Variants in BTC observed in about 807,000 individuals in gnomAD.
BTC encodes probetacellulin.
In BTC, 13 loss-of-function variants were observed where a neutral mutation model predicts 18.1. That is an observed-to-expected ratio of 0.72 (90% confidence interval 0.47 to 1.14). The LOEUF (loss-of-function observed/expected upper bound fraction) is 1.14. BTC is among the 50% of genes most tolerant of loss of function. BTC has a pLI of 0.00. For synonymous variants in BTC, 83 were observed against 79.4 expected, an observed-to-expected ratio of 1.05 and a Z score of -0.24; for missense variants, 247 against 224.2, an observed-to-expected ratio of 1.10 and a Z score of -0.65.
chr4:74,776,868 C>A (rs947072070), intron 1 of BTC, among the ~76,000 whole-genome samples: 12 of 152,124 alleles, frequency 7.9e-5, no homozygotes, highest in African/African-American at 2.7e-4. Flanking sequence ...TGATTTAGGA[C>A]ATCTTCCTAG....
chr4:74,758,343 TTAAAC>T (rs1553956977), intron 2 of BTC, among the ~76,000 whole-genome samples: 1 of 152,162 alleles, frequency 6.6e-6, no homozygotes, highest in African/African-American at 2.4e-5. Flanking sequence ...TAAAAATACT[TTAAAC>T]TGTGGACCAT....
chr4:74,755,088 T>C (rs1245237747), intron 3 of BTC, among the ~76,000 whole-genome samples: 1 of 152,148 alleles, frequency 6.6e-6, no homozygotes, highest in Non-Finnish European at 1.5e-5. Context: ...TCATGACCCT[T>C]AAAGTTTCCA....
intron 5 of BTC, 123 bp downstream of exon 5, chr4:74,747,917 A>T (rs1724333143): frequency 2.0e-6 from 1 of 503,706 alleles, no homozygotes. Flanking sequence ...CCATTGATTT[A>T]TTTTTAGATG....
At chr4:74,773,227 A>T (rs1725090549) in intron 1 of BTC, among the ~76,000 whole-genome samples, 1 of 152,196 alleles carries the variant, frequency 6.6e-6, no homozygotes, top group African/African-American at 2.4e-5. Flanking sequence ...TTCCATTGAA[A>T]TAGTGGAAGG....
chr4:74,756,028 G>T (rs782064923), intron 2 of BTC, 52 bp from the exon 3 acceptor site: 2 of 1,372,132 alleles, frequency 1.5e-6, no homozygotes, highest in South Asian at 2.3e-5. Context: ...ATATTCACTT[G>T]TAAATAGAAT....
At chr4:74,749,571 G>A (rs1553955890) in intron 4 of BTC, among the ~76,000 whole-genome samples, 2 of 151,338 alleles carry the variant, frequency 1.3e-5, no homozygotes, top group Non-Finnish European at 2.9e-5. Flanking sequence ...GCAAAGAAAG[G>A]AATCACGAGA....
At chr4:74,749,428 A>G (rs548827016) in intron 4 of BTC, among the ~76,000 whole-genome samples, 188 of 151,996 alleles carry the variant, frequency 1.2e-3, no homozygotes, top group African/African-American at 4.4e-3. Context: ...CGTTGCAGTG[A>G]GCCAAGATCA....
At chr4:74,769,172 G>A (rs2109898927) in intron 2 of BTC, among the ~76,000 whole-genome samples, 1 of 152,182 alleles carries the variant, frequency 6.6e-6, no homozygotes, top group South Asian at 2.1e-4. Context: ...AAGTTTCCAG[G>A]GAATACAGGA....
Position 74,750,644 on chromosome 4 carries a change from A to C in BTC, c.357T>G (p.Ile119Met). 2.5e-6 allele frequency: 4 copies of C among 1,613,972 alleles called. No homozygotes were observed. Among genetic ancestry groups the C allele is most frequent in the Non-Finnish European group, 3.4e-6 (4 of 1,179,960 alleles). ...TAACTGCTATCAAACAAATCACCAG[A>C]ATCTGTCCTCTGTCTCCTCTTAGGT... ...LFYLRGDRGQ[I>M]LVICLIAVMV... Residue 119 changes from isoleucine (I) to methionine (M), a missense_variant, in exon 4 of 6, where the codon ATT (isoleucine) becomes ATG (methionine). Transcript: ENST00000395743.
intron 2 of BTC, among the ~76,000 whole-genome samples, chr4:74,758,688 G>A (rs920429109): frequency 7.2e-5 from 11 of 152,176 alleles, no homozygotes; most frequent in Admixed American, 7.2e-4. Flanking sequence ...ACCAGCAGCT[G>A]CTGAATGCAG....
intron 5 of BTC, 22 bp from the exon 6 acceptor site, chr4:74,746,697 G>A (rs868978703): frequency 6.6e-6 from 1 of 152,512 alleles, no homozygotes. Flanking sequence ...GAAAATAACA[G>A]CACATCACTT....
Position 74,746,152 on chromosome 4 carries a change from T to G in BTC, c.*525A>C, listed in dbSNP as rs1276502967. On this transcript the variant is annotated 3_prime_UTR_variant, in exon 6 of 6. Coordinates refer to ENST00000395743, the MANE Select transcript of BTC (RefSeq NM_001729.4). ...GATTTAGATAAATCTTGATTTCTAG[T>G]CTGTCTCTACCAATCTCCAACTCTC... 1 of 152,248 alleles carries G rather than the reference T, an allele frequency of 6.6e-6. No homozygotes were observed. Among genetic ancestry groups the G allele is most frequent in the African/African-American group, 2.4e-5 (1 of 41,474 alleles). 9.4% of individuals were successfully genotyped at this position (152,248 alleles called of 1,614,324 possible).
chr4:74,786,615 C>G (rs1725483898), intron 1 of BTC, among the ~76,000 whole-genome samples: 1 of 152,152 alleles, frequency 6.6e-6, no homozygotes, highest in Non-Finnish European at 1.5e-5. Flanking sequence ...GAAAACAATT[C>G]TAATCACACA....
chr4:74,768,243 T>G (rs1724951847), intron 2 of BTC, among the ~76,000 whole-genome samples: 1 of 152,138 alleles, frequency 6.6e-6, no homozygotes, highest in Non-Finnish European at 1.5e-5. Flanking sequence ...ACTCTCACAA[T>G]TCAATAACAA....
chr4:74,752,669 G>A (rs1724495726), intron 3 of BTC, among the ~76,000 whole-genome samples: 2 of 151,942 alleles, frequency 1.3e-5, no homozygotes, highest in African/African-American at 4.8e-5. Context: ...GTGAGCCACC[G>A]TGACTGGCCG....
chr4:74,794,191 G>A, intron 1 of BTC, 71 bp downstream of exon 1: 1 of 1,535,432 alleles, frequency 6.5e-7, no homozygotes, highest in Non-Finnish European at 8.8e-7. Context: ...GCTCGGTTCA[G>A]GGTTCGCCCT....
At chr4:74,758,025 G>C (rs1553956939) in intron 2 of BTC, among the ~76,000 whole-genome samples, 1 of 152,184 alleles carries the variant, frequency 6.6e-6, no homozygotes, top group Non-Finnish European at 1.5e-5. Flanking sequence ...TCTCATATAA[G>C]TATGAAGAAT....
At chr4:74,756,364 C>G (rs1483960678) in intron 2 of BTC, among the ~76,000 whole-genome samples, 1 of 152,168 alleles carries the variant, frequency 6.6e-6, no homozygotes, top group Non-Finnish European at 1.5e-5. Flanking sequence ...GGTTGTTTAA[C>G]TTAAACATTT....
chr4:74,751,018 G>C (rs529719480), intron 3 of BTC, among the ~76,000 whole-genome samples: 5 of 152,184 alleles, frequency 3.3e-5, no homozygotes, highest in African/African-American at 9.6e-5. Context: ...AAAAAGGAAA[G>C]GAGGATAAAA....
Sources: allele counts gnomAD v4.1 joint callset (sites outside exome capture counted in the v4.1 genomes callset), GRCh38; gene constraint gnomAD v4.1.1; transcripts MANE v1.5; gene names NCBI Gene and HGNC (gene_info 2026-07-23, HGNC 2026-07-21).